The following UNC5B variants were observed in gnomAD, a reference collection of about 807,000 sequenced individuals.
UNC5B encodes netrin receptor UNC5B.
In UNC5B, 56 loss-of-function variants were observed where a neutral mutation model predicts 103.7. The ratio of observed to expected loss-of-function variants is 0.54; its 90% confidence interval spans 0.44 to 0.67. The LOEUF is 0.67. Among genes scored for constraint, UNC5B ranks in the 30% least tolerant of loss-of-function variants. The probability of loss-of-function intolerance (pLI) is 0.00; values close to 1 mark genes in which losing one functional copy is unlikely to be tolerated. For missense variants in UNC5B, 1,194 were observed against 1,284.5 expected (o/e 0.93, Z 1.08); for synonymous variants, 577 against 542.0 (o/e 1.06, Z -0.90).
Position 71,288,508 on chromosome 10 carries a change from C to T in UNC5B, c.902-60C>T, listed in dbSNP as rs1446295468. ...TTGGCACATTGCTCTGTTCTGCACA[C>T]ATAACTATGTGTGCACATGTCTCTG... On this transcript the variant is annotated intron_variant, in intron 6 of 16. Coordinates refer to ENST00000335350, the MANE Select transcript of UNC5B (RefSeq NM_170744.5). 9 of 1,573,472 alleles carry T rather than the reference C, an allele frequency of 5.7e-6. No individual in the cohort carries two copies. The East Asian group carries it at 1.6e-4, about 28-fold the overall frequency.
chr10:71,283,841 C>T (rs938891537), intron 2 of UNC5B, among the ~76,000 whole-genome samples: 5 of 152,104 alleles, frequency 3.3e-5, no homozygotes, highest in Non-Finnish European at 7.4e-5. Context: ...ATCAGGGGCT[C>T]CCTGGGAGAG....
intron 1 of UNC5B, among the ~76,000 whole-genome samples, chr10:71,266,200 C>T (rs1370959511): frequency 1.3e-5 from 2 of 152,096 alleles, no homozygotes; most frequent in East Asian, 3.9e-4. Flanking sequence ...TGAGGGGAAC[C>T]AGGCTCAGAG....
At position 71,299,600 on chromosome 10, in the gene UNC5B, C is replaced by T. The variant is rs538714694; in HGVS notation, c.*323C>T. On this transcript the variant is annotated 3_prime_UTR_variant, in exon 17 of 17. Transcript: ENST00000335350. ...CAGGCAGGAGGCCCTCCCTCCACCC[C>T]CCCACCCTCAGCCCGGCAACTTCTG... 5 of 280,856 alleles carry T rather than the reference C, an allele frequency of 1.8e-5. No individual in the cohort carries two copies. The highest frequency in any genetic ancestry group is 8.6e-5 in the African/African-American group (4 of 46,774). The allele number at this position is 280,856 out of a possible 1,614,324, so 17.4% of individuals were successfully genotyped here. A position where few individuals can be genotyped will look rare whatever the true frequency, so the allele number is the denominator to read the frequency against.
Position 71,272,532 on chromosome 10 carries a change from A to G in UNC5B, c.80-7289A>G, listed in dbSNP as rs532559155. Among the ~76,000 whole-genome samples, 14 of 152,294 alleles carry G rather than the reference A, an allele frequency of 9.2e-5. No individual in the cohort carries two copies. In the East Asian group the frequency reaches 2.5e-3, roughly 27 times the overall value. On this transcript the variant is annotated intron_variant, in intron 1 of 16. Coordinates refer to ENST00000335350, the MANE Select transcript of UNC5B (RefSeq NM_170744.5). ...GATAGCAGGAATTTCCATCCCAGGC[A>G]TGGGAATCACAGAGCCCAAGCCTTC...
intron 1 of UNC5B, among the ~76,000 whole-genome samples, chr10:71,254,183 ATGTC>A (rs1308649042): frequency 1.3e-5 from 2 of 152,230 alleles, no homozygotes; most frequent in African/African-American, 4.8e-5. Flanking sequence ...TTATATGCAA[ATGTC>A]TGTGGCTTCC....
intron 1 of UNC5B, among the ~76,000 whole-genome samples, chr10:71,241,819 AG>A (rs1843908293): frequency 6.6e-6 from 1 of 152,068 alleles, no homozygotes; most frequent in East Asian, 1.9e-4. Context: ...GGGCCATTAG[AG>A]TGGGTGAAGG....
At position 71,290,940 on chromosome 10, in the gene UNC5B, G is replaced by A. The variant is rs558734268; in HGVS notation, c.1125G>A (p.Ala375=). The A allele has an allele frequency of 5.8e-5, 94 of 1,613,434 alleles. No homozygotes were observed. The South Asian group carries it at 6.1e-4, about 11-fold the overall frequency. ...TGCTGGAGGCCTCAGGGGATGCGGC[G>A]CTGTATGCGGGGCTCGTGGTGGCCA... is the stretch of plus-strand genomic sequence containing the variant. ...SHLLEASGDA[A]LYAGLVVAIF... Residue 375 remains alanine, a synonymous_variant, in exon 9 of 17, where the codon GCG becomes GCA. Transcript: ENST00000335350.
rs561690314 is a variant in UNC5B, at chr10:71,272,903, G to GTTTA, written c.80-6915_80-6914insATTT. Among the ~76,000 whole-genome samples the GTTTA allele has an allele frequency of 3.5e-4, 54 of 152,164 alleles. 1 individual carries two copies. The East Asian group carries it at 9.3e-3, about 26-fold the overall frequency. On this transcript the variant is annotated intron_variant, in intron 1 of 16. Transcript: ENST00000335350. Reference sequence around the variant, plus strand: ...TGTTTGTTTGTTTGTTTGTTTGTTTGTTTTGAGATGGAGTCTTGCTCCATT... The same window carrying GTTTA: ...TGTTTGTTTGTTTGTTTGTTTGTTTGTTTATTTTGAGATGGAGTCTTGCTCCATT...
rs1356337415 is a variant in UNC5B at position 71,299,572 on chromosome 10, G to GGGCA, written c.*302_*305dup. ...CCTCTGGAGGCAGTTGGTTGGGGGC[G>GGGCA]GGCAGGCAGGAGGCCCTCCCTCCAC... is the stretch of plus-strand genomic sequence containing the variant. On this transcript the variant is annotated 3_prime_UTR_variant, in exon 17 of 17. Coordinates refer to ENST00000335350, the MANE Select transcript of UNC5B (RefSeq NM_170744.5). 19 of 298,922 alleles carry GGGCA rather than the reference G, an allele frequency of 6.4e-5. No homozygotes were observed. Among genetic ancestry groups the GGGCA allele is most frequent in the Non-Finnish European group, 1.2e-4 (19 of 160,804 alleles). The allele number at this position is 298,922 out of a possible 1,614,324, so 18.5% of individuals were successfully genotyped here.
intron 10 of UNC5B, 28 bp downstream of exon 10, chr10:71,291,849 G>A (rs1845273521): frequency 1.3e-6 from 2 of 1,563,440 alleles, no homozygotes; most frequent in South Asian, 2.4e-5. Flanking sequence ...TTGTGCGTCA[G>A]CCTGGCCTTA....
In UNC5B at chr10:71,285,352, C is replaced by T. The variant is rs1252953876; in HGVS notation, c.475C>T (p.Pro159Ser). 6.2e-7 allele frequency: 1 copy of T among 1,611,440 alleles called. No individual in the cohort carries two copies. The highest frequency in any genetic ancestry group is 1.1e-5 in the South Asian group (1 of 90,196). ...AYLRKNFDQE[P>S]LGKEVPLDHE... ...CCTGCGCAAGAACTTCGATCAGGAG[C>T]CTCTGGGCAAGGAGGTGCCCCTGGA... Residue 159 changes from proline (P) to serine (S), a missense_variant, in exon 4 of 17, where the codon CCT (proline) becomes TCT (serine). Coordinates refer to ENST00000335350, the MANE Select transcript of UNC5B (RefSeq NM_170744.5).
intron 1 of UNC5B, among the ~76,000 whole-genome samples, chr10:71,244,523 C>T (rs1710076821): frequency 6.6e-6 from 1 of 152,220 alleles, no homozygotes; most frequent in African/African-American, 2.4e-5. Context: ...GGGCACAGAT[C>T]TGGAGGAACC....
intron 1 of UNC5B, among the ~76,000 whole-genome samples, chr10:71,218,609 A>G (rs571674410): frequency 1.3e-5 from 2 of 152,256 alleles, no homozygotes; most frequent in South Asian, 4.1e-4. Flanking sequence ...CAGGGGGAGG[A>G]AGGTTGGCAG....
chr10:71,217,332 A>G (rs1225116857), intron 1 of UNC5B: 1 of 152,328 alleles, frequency 6.6e-6, no homozygotes, highest in African/African-American at 2.4e-5. Flanking sequence ...GGCACTTCCC[A>G]CCCACTGGGT....
chr10:71,251,626 G>A (rs972512130), intron 1 of UNC5B, among the ~76,000 whole-genome samples: 3 of 152,118 alleles, frequency 2.0e-5, no homozygotes, highest in African/African-American at 2.4e-5. Flanking sequence ...AGATCGTTTC[G>A]CTCATGCCTG....
intron 3 of UNC5B, among the ~76,000 whole-genome samples, chr10:71,285,077 T>C (rs1845035909): frequency 6.6e-6 from 1 of 152,182 alleles, no homozygotes; most frequent in Non-Finnish European, 1.5e-5. Context: ...TAAAAGAAGC[T>C]GGCAGCTTCC....
At chr10:71,247,589 A>G (rs903597480) in intron 1 of UNC5B, among the ~76,000 whole-genome samples, 1 of 151,934 alleles carries the variant, frequency 6.6e-6, no homozygotes, top group Non-Finnish European at 1.5e-5. Context: ...TTAACCTGGC[A>G]CCCTGGCCCC....
intron 1 of UNC5B, among the ~76,000 whole-genome samples, chr10:71,254,347 C>T (rs1032438971): frequency 1.3e-5 from 2 of 152,206 alleles, no homozygotes; most frequent in Non-Finnish European, 2.9e-5. Flanking sequence ...CTGTGGTGAT[C>T]AGGAGGAGCA....
chr10:71,242,205 G>A (rs1161960440), intron 1 of UNC5B, among the ~76,000 whole-genome samples: 5 of 152,020 alleles, frequency 3.3e-5, no homozygotes, highest in Admixed American at 6.5e-5. Context: ...TCCGTCGGCC[G>A]TGGCCCAGAC....
Sources: allele counts gnomAD v4.1 joint callset (sites outside exome capture counted in the v4.1 genomes callset), GRCh38; gene constraint gnomAD v4.1.1; transcripts MANE v1.5; gene names NCBI Gene and HGNC (gene_info 2026-07-23, HGNC 2026-07-21).